DGKH: variants seen among roughly 807,000 people sequenced by gnomAD.
DGKH encodes diacylglycerol kinase eta.
Under a neutral mutation model 159.3 loss-of-function variants are expected in DGKH, and 90 were observed. The ratio of observed to expected loss-of-function variants is 0.57; its 90% confidence interval spans 0.48 to 0.67. The LOEUF is 0.67. DGKH is among the 30% of genes least tolerant of loss of function. The pLI, the probability that DGKH is intolerant of heterozygous loss-of-function variation, is 0.00. For missense variants in DGKH, 1,181 were observed against 1,506.1 expected, an observed-to-expected ratio of 0.78 and a Z score of 3.57; for synonymous variants, 536 against 553.8, an observed-to-expected ratio of 0.97 and a Z score of 0.45.
chr13:42,083,641 T>G (rs966616313), intron 1 of DGKH, among the ~76,000 whole-genome samples: 4 of 152,210 alleles, frequency 2.6e-5, no homozygotes, highest in Non-Finnish European at 5.9e-5. Flanking sequence ...ACTGGGCTTC[T>G]GTGGCTTCCC....
At chr13:42,248,289 G>T (rs999184307) in intron 29 of DGKH, among the ~76,000 whole-genome samples, 11 of 151,980 alleles carry the variant, frequency 7.2e-5, no homozygotes, top group African/African-American at 2.7e-4. Flanking sequence ...GGACATGGTG[G>T]CACATGCCTG....
intron 1 of DGKH, among the ~76,000 whole-genome samples, chr13:42,060,648 G>A (rs1285277496): frequency 6.6e-6 from 1 of 152,148 alleles, no homozygotes; most frequent in Non-Finnish European, 1.5e-5. Context: ...CTATGGCCAG[G>A]CATAGTGTTA....
At chr13:42,181,805 G>C (rs919663824) in intron 13 of DGKH, 1 of 332,442 alleles carries the variant, frequency 3.0e-6, no homozygotes, top group African/African-American at 2.2e-5. Flanking sequence ...CAACTGCAGT[G>C]GGTGGGGCCA....
chr13:42,085,744 T>C (rs1954289192), intron 1 of DGKH, among the ~76,000 whole-genome samples: 1 of 152,204 alleles, frequency 6.6e-6, no homozygotes, highest in South Asian at 2.1e-4. Context: ...TAAGTTGAAA[T>C]AATTGTTTTT....
Position 42,230,520 on chromosome 13 carries a change from T to A in DGKH, c.*1332T>A, listed in dbSNP as rs1958261776. 6.6e-6 allele frequency: 1 copy of A among 152,136 alleles called. No individual in the cohort carries two copies. Among genetic ancestry groups the A allele is most frequent in the Non-Finnish European group, 1.5e-5 (1 of 68,016 alleles). 9.4% of individuals were successfully genotyped at this position (152,136 alleles called of 1,614,324 possible). On this transcript the variant is annotated 3_prime_UTR_variant, in exon 30 of 30. Coordinates refer to ENST00000337343, the MANE Select transcript of DGKH (RefSeq NM_178009.5). ...GTCACAAAAATATCCTTAAATAAGC[T>A]TTCTTTAGCCATTATATACCAAAAC...
At chr13:42,074,362 T>A (rs570198638) in intron 1 of DGKH, among the ~76,000 whole-genome samples, 1 of 152,224 alleles carries the variant, frequency 6.6e-6, no homozygotes, top group Non-Finnish European at 1.5e-5. Context: ...TATCAAAATT[T>A]CCATCCTGAG....
chr13:42,044,941 C>T (rs1217171710), upstream of DGKH, among the ~76,000 whole-genome samples: 1 of 152,134 alleles, frequency 6.6e-6, no homozygotes, highest in African/African-American at 2.4e-5. Flanking sequence ...GCCAACACTT[C>T]AAAAATGTGG....
downstream of DGKH, among the ~76,000 whole-genome samples, chr13:42,247,611 G>C (rs1315195923): frequency 6.6e-6 from 1 of 152,210 alleles, no homozygotes; most frequent in Non-Finnish European, 1.5e-5. Flanking sequence ...GCCTCAGGCA[G>C]TTCCTTCAGG....
At chr13:42,063,947 AAAT>A (rs1593972203) in intron 1 of DGKH, among the ~76,000 whole-genome samples, 9 of 109,664 alleles carry the variant, frequency 8.2e-5, no homozygotes, top group East Asian at 6.2e-4. Flanking sequence ...CTGAAAAAAA[AAAT>A]ATATATATAT....
intron 1 of DGKH, among the ~76,000 whole-genome samples, chr13:42,081,749 C>T (rs1954205026): frequency 6.6e-6 from 1 of 152,108 alleles, no homozygotes; most frequent in African/African-American, 2.4e-5. Flanking sequence ...AATGAGATAT[C>T]CAGAGTTCAT....
Position 42,209,069 on chromosome 13 carries a change from C to G in DGKH, c.2712C>G (p.Ala904=). ...RVIKLQHHRI[A]QCRTVKITIF... ...TTAAACTGCAGCATCATCGAATAGC[C>G]CAGGTTGGTTTCTCTCGTCAAACCT... Residue 904 remains alanine (A), a synonymous_variant, in exon 22 of 30, where the codon GCC becomes GCG. Transcript: ENST00000337343. 2 of 1,608,806 alleles carry G rather than the reference C, an allele frequency of 1.2e-6. No homozygotes were observed. The highest frequency in any genetic ancestry group is 8.5e-7 in the Non-Finnish European group (1 of 1,177,504).
chr13:42,087,060 C>CACACAGACACACACACACACACACACAG, intron 1 of DGKH, among the ~76,000 whole-genome samples: 1 of 149,924 alleles, frequency 6.7e-6, no homozygotes, highest in South Asian at 2.1e-4. Flanking sequence ...CACACACACA[C>CACACAGACACACACACACACACACACAG]ACACACACAC....
intron 30 of DGKH, chr13:42,256,233 T>C: frequency 6.7e-7 from 1 of 1,501,444 alleles, no homozygotes; most frequent in South Asian, 1.1e-5. Flanking sequence ...TTCAAGCCAA[T>C]GATGATTAAA....
intron 1 of DGKH, chr13:42,071,101 C>T (rs1436541626): frequency 2.9e-5 from 28 of 966,434 alleles, no homozygotes; most frequent in Non-Finnish European, 4.2e-5. Flanking sequence ...CACTTTGAAA[C>T]CCTTATGATT....
rs1387147956 is a variant in DGKH, at chr13:42,229,994, T to C, written c.*806T>C. 1.3e-5 allele frequency: 2 copies of C among 152,202 alleles called. No homozygotes were observed. The highest frequency in any genetic ancestry group is 2.9e-5 in the Non-Finnish European group (2 of 68,038). The allele number at this position is 152,202 out of a possible 1,614,324, so 9.4% of individuals were successfully genotyped here. A position where few individuals can be genotyped will look rare whatever the true frequency, so the allele number is the denominator to read the frequency against. The stretch of plus-strand genomic sequence containing the variant: ...TAATCAACAAATGATATACATCACA[T>C]GCAAGTCAATTTTATTTCAATCTAT... On this transcript the variant is annotated 3_prime_UTR_variant, in exon 30 of 30. Coordinates refer to ENST00000337343, the MANE Select transcript of DGKH (RefSeq NM_178009.5).
At chr13:42,159,953 G>A (rs1041307243) in intron 6 of DGKH, 58 bp from the exon 7 acceptor site, 1 of 1,612,910 alleles carries the variant, frequency 6.2e-7, no homozygotes, top group East Asian at 2.2e-5. Flanking sequence ...AATCTCCCCT[G>A]GGGTAAGGTT....
At chr13:42,159,522 C>G in intron 6 of DGKH, 150 bp downstream of exon 6, 1 of 684,884 alleles carries the variant, frequency 1.5e-6, no homozygotes, top group South Asian at 1.7e-5. Flanking sequence ...TTAATTCAAT[C>G]CTTCATAGCT....
At chr13:42,196,614 T>C (rs1957209190) in intron 17 of DGKH, among the ~76,000 whole-genome samples, 1 of 152,174 alleles carries the variant, frequency 6.6e-6, no homozygotes, top group Non-Finnish European at 1.5e-5. Context: ...CCCAAGGACC[T>C]GGAGGTGAGG....
chr13:42,094,384 G>A (rs1446911470), intron 1 of DGKH, among the ~76,000 whole-genome samples: 2 of 152,154 alleles, frequency 1.3e-5, no homozygotes, highest in East Asian at 3.8e-4. Flanking sequence ...TGTTAGTACA[G>A]TTTTCATCTT....
Sources: allele counts gnomAD v4.1 joint callset (sites outside exome capture counted in the v4.1 genomes callset), GRCh38; gene constraint gnomAD v4.1.1; transcripts MANE v1.5; gene names NCBI Gene and HGNC (gene_info 2026-07-23, HGNC 2026-07-21).